Variants in DENND1A observed in about 807,000 individuals in gnomAD.
DENND1A encodes DENN domain containing 1A.
Under a neutral mutation model 113.7 loss-of-function variants are expected in DENND1A, and 51 were observed. That is an observed-to-expected ratio of 0.45 (90% CI 0.36 to 0.57). The LOEUF (loss-of-function observed/expected upper bound fraction) is 0.57, where lower values mean the gene tolerates loss of function less well. Ranked by LOEUF, DENND1A falls within the 20% of genes least tolerant of loss-of-function variation. The pLI, the probability that DENND1A is intolerant of heterozygous loss-of-function variation, is 0.00. For synonymous variants in DENND1A, 565 were observed against 570.8 expected (o/e 0.99, Z 0.14); for missense variants, 1,258 against 1,395.9 (o/e 0.90, Z 1.57).
chr9:123,903,149 G>A (rs905343646), intron 1 of DENND1A, among the ~76,000 whole-genome samples: 5 of 150,864 alleles, frequency 3.3e-5, no homozygotes, highest in East Asian at 3.9e-4. Flanking sequence ...CGGCTAAAAC[G>A]GTGAAACCCC....
chr9:123,537,631 A>G (rs910004284), intron 13 of DENND1A, among the ~76,000 whole-genome samples: 1 of 152,058 alleles, frequency 6.6e-6, no homozygotes, highest in Non-Finnish European at 1.5e-5. Flanking sequence ...TGCTGAACTT[A>G]AAAACAAAAA....
chr9:123,423,144 C>T (rs573406135), intron 19 of DENND1A, among the ~76,000 whole-genome samples: 16 of 152,302 alleles, frequency 1.1e-4, no homozygotes, highest in Middle Eastern at 3.4e-3. Flanking sequence ...GCCGGATGCC[C>T]GGTGGGGTTC....
chr9:123,530,421 T>C (rs1589004004), intron 13 of DENND1A, among the ~76,000 whole-genome samples: 1 of 152,152 alleles, frequency 6.6e-6, no homozygotes, highest in African/African-American at 2.4e-5. Context: ...AGGAAAATAA[T>C]TGTCAATGTA....
intron 5 of DENND1A, among the ~76,000 whole-genome samples, chr9:123,711,863 T>C (rs977821783): frequency 6.6e-6 from 1 of 152,176 alleles, no homozygotes; most frequent in African/African-American, 2.4e-5. Context: ...TTAACCCTTA[T>C]CACTAATGGT....
chr9:123,417,885 T>TGG (rs113918463), intron 19 of DENND1A, among the ~76,000 whole-genome samples: 37 of 133,934 alleles, frequency 2.8e-4, no homozygotes, highest in Non-Finnish European at 4.4e-4. Context: ...TGCCATAGAT[T>TGG]GGGGGGGGGG....
intron 21 of DENND1A, chr9:123,401,664 C>T (rs1198611347): frequency 2.7e-6 from 4 of 1,478,372 alleles, no homozygotes; most frequent in African/African-American, 2.8e-5. Flanking sequence ...ATTAAACAAA[C>T]AACAAACCAA....
At chr9:123,607,720 T>C (rs1410700322) in intron 11 of DENND1A, among the ~76,000 whole-genome samples, 2 of 150,794 alleles carry the variant, frequency 1.3e-5, no homozygotes, top group Non-Finnish European at 3.0e-5. Context: ...GTCATTGACA[T>C]TGACCTGGTA....
At chr9:123,769,299 T>C (rs1414372803) in intron 4 of DENND1A, among the ~76,000 whole-genome samples, 2 of 152,156 alleles carry the variant, frequency 1.3e-5, no homozygotes, top group Non-Finnish European at 2.9e-5. Context: ...ACAAAATACA[T>C]CTCACAAACT....
chr9:123,656,388 T>C (rs1350046184), intron 8 of DENND1A, among the ~76,000 whole-genome samples: 1 of 152,138 alleles, frequency 6.6e-6, no homozygotes, highest in African/African-American at 2.4e-5. Context: ...GGCAGGACAG[T>C]CAACTAACAG....
intron 5 of DENND1A, among the ~76,000 whole-genome samples, chr9:123,690,781 G>A (rs2065141918): frequency 6.6e-6 from 1 of 152,224 alleles, no homozygotes; most frequent in South Asian, 2.1e-4. Context: ...TGGTCAGAGA[G>A]AATAGAATGA....
chr9:123,674,340 TCTCACACACA>T (rs1192331407), intron 6 of DENND1A, among the ~76,000 whole-genome samples: 15 of 127,816 alleles, frequency 1.2e-4, no homozygotes, highest in Non-Finnish European at 1.5e-4. Context: ...TCTGTCTCTC[TCTCACACACA>T]CACACACACA....
chr9:123,449,063 G>A (rs1179167604), intron 18 of DENND1A, among the ~76,000 whole-genome samples: 1 of 152,208 alleles, frequency 6.6e-6, no homozygotes, highest in East Asian at 1.9e-4. Context: ...GCCACCAGAA[G>A]TCGATGGAGC....
At chr9:123,467,774 A>C (rs1020263547) in intron 13 of DENND1A, among the ~76,000 whole-genome samples, 1 of 152,206 alleles carries the variant, frequency 6.6e-6, no homozygotes, top group African/African-American at 2.4e-5. Flanking sequence ...GCACAGGTCC[A>C]TGCAGGTGGG....
intron 2 of DENND1A, among the ~76,000 whole-genome samples, chr9:123,810,549 C>CAAAAA (rs1159557273): frequency 3.9e-3 from 178 of 45,134 alleles, no homozygotes; most frequent in Middle Eastern, 0.023. Context: ...CATGTCTCTA[C>CAAAAA]AAAAAAAAAA....
intron 21 of DENND1A, among the ~76,000 whole-genome samples, chr9:123,397,045 T>C (rs1225687195): frequency 6.6e-6 from 1 of 152,234 alleles, no homozygotes; most frequent in Non-Finnish European, 1.5e-5. Context: ...GCTATTTCTA[T>C]AAAATAGATC....
intron 1 of DENND1A, among the ~76,000 whole-genome samples, chr9:123,920,276 G>A (rs561675078): frequency 5.3e-5 from 8 of 151,964 alleles, no homozygotes; most frequent in East Asian, 3.9e-4. Context: ...CTAAAAGTAC[G>A]AAAAATTAGC....
chr9:123,818,517 T>TACAC (rs1469959491), intron 2 of DENND1A, among the ~76,000 whole-genome samples: 9 of 123,128 alleles, frequency 7.3e-5, no homozygotes, highest in African/African-American at 1.0e-4. Context: ...TATACATACA[T>TACAC]ATACACACAC....
At chr9:123,892,923 G>A (rs371217230) in intron 1 of DENND1A, among the ~76,000 whole-genome samples, 3 of 152,114 alleles carry the variant, frequency 2.0e-5, no homozygotes, top group Admixed American at 6.6e-5. Flanking sequence ...CAGGGGTTGC[G>A]GGGAGCCGAG....
chr9:123,857,361 C>G (rs954051865), intron 2 of DENND1A, among the ~76,000 whole-genome samples: 7 of 152,064 alleles, frequency 4.6e-5, no homozygotes, highest in Non-Finnish European at 7.4e-5. Context: ...CAGTAACAAC[C>G]TTGAATAAGA....
Sources: allele counts gnomAD v4.1 joint callset (sites outside exome capture counted in the v4.1 genomes callset), GRCh38; gene constraint gnomAD v4.1.1; transcripts MANE v1.5; gene names NCBI Gene and HGNC (gene_info 2026-07-23, HGNC 2026-07-21).